The following SRBD1 variants were observed in gnomAD, a reference collection of about 807,000 sequenced individuals.
SRBD1 encodes the protein S1 RNA-binding domain-containing protein 1.
Under a neutral mutation model 115.3 loss-of-function variants are expected in SRBD1, and 88 were observed. The ratio of observed to expected loss-of-function variants is 0.76; its 90% CI spans 0.64 to 0.91. SRBD1 has a LOEUF of 0.91. Ranked by LOEUF, SRBD1 falls within the 40% of genes least tolerant of loss-of-function variation. The probability of loss-of-function intolerance (pLI) is 0.00; values close to 1 mark genes in which losing one functional copy is unlikely to be tolerated. For missense variants in SRBD1, 1,385 were observed against 1,177.4 expected (o/e 1.18, Z -2.58); for synonymous variants, 509 against 407.7 (o/e 1.25, Z -2.99).
chr2:45,479,949 G>C (rs1337050937), intron 15 of SRBD1, among the ~76,000 whole-genome samples: 3 of 152,008 alleles, frequency 2.0e-5, no homozygotes, highest in Admixed American at 2.0e-4. Context: ...GAAAATCCTT[G>C]GGTTCTTAAG....
chr2:45,546,590 G>A (rs1047253701), intron 14 of SRBD1, 142 bp downstream of exon 14: 21 of 850,036 alleles, frequency 2.5e-5, no homozygotes, highest in Non-Finnish European at 3.1e-5. Context: ...ACATTATCCT[G>A]CAAAGTTCTC....
chr2:45,604,594 C>G (rs1336408990), intron 2 of SRBD1, among the ~76,000 whole-genome samples: 1 of 152,132 alleles, frequency 6.6e-6, no homozygotes, highest in African/African-American at 2.4e-5. Flanking sequence ...CTGAACACAC[C>G]AAACTTATTC....
At chr2:45,494,790 G>C (rs1670405808) in intron 14 of SRBD1, among the ~76,000 whole-genome samples, 1 of 152,050 alleles carries the variant, frequency 6.6e-6, no homozygotes, top group South Asian at 2.1e-4. Context: ...GGCAAAATAT[G>C]GTGAGGCAGA....
At chr2:45,517,767 G>A (rs1206931381) in intron 14 of SRBD1, among the ~76,000 whole-genome samples, 1 of 152,194 alleles carries the variant, frequency 6.6e-6, no homozygotes, top group Non-Finnish European at 1.5e-5. Flanking sequence ...GGCCAAGACA[G>A]GGGGATAGTT....
intron 14 of SRBD1, among the ~76,000 whole-genome samples, chr2:45,497,387 C>G (rs979187800): frequency 2.0e-5 from 3 of 152,158 alleles, no homozygotes; most frequent in African/African-American, 7.2e-5. Flanking sequence ...ACAGGGTAGA[C>G]TGAATGTACA....
chr2:45,543,292 A>G (rs1157757275), intron 14 of SRBD1, among the ~76,000 whole-genome samples: 2 of 152,204 alleles, frequency 1.3e-5, no homozygotes, highest in African/African-American at 2.4e-5. Context: ...TGTAAGTATC[A>G]TGATTCGTAA....
intron 16 of SRBD1, among the ~76,000 whole-genome samples, chr2:45,450,467 T>C (rs528749129): frequency 6.6e-6 from 1 of 152,268 alleles, no homozygotes; most frequent in South Asian, 2.1e-4. Flanking sequence ...TTTCCAAAAA[T>C]TTTAGATCTT....
chr2:45,521,429 A>T (rs1311111429), intron 14 of SRBD1, among the ~76,000 whole-genome samples: 2 of 152,144 alleles, frequency 1.3e-5, no homozygotes, highest in East Asian at 3.9e-4. Context: ...TCACTAGGGA[A>T]ATGTAAGTCA....
chr2:45,398,281 T>C (rs1667202038), intron 19 of SRBD1, among the ~76,000 whole-genome samples: 1 of 152,144 alleles, frequency 6.6e-6, no homozygotes, highest in African/African-American at 2.4e-5. Context: ...TTAAAATGCA[T>C]GCAGCTATCT....
At chr2:45,596,662 A>G (rs1214328095) in intron 4 of SRBD1, among the ~76,000 whole-genome samples, 1 of 152,216 alleles carries the variant, frequency 6.6e-6, no homozygotes, top group Non-Finnish European at 1.5e-5. Flanking sequence ...ATGATAATGT[A>G]GTAAACAAAT....
chr2:45,465,000 TACACACACACACACACACACACACACAC>T (rs58288876), intron 16 of SRBD1, among the ~76,000 whole-genome samples: 1 of 120,222 alleles, frequency 8.3e-6, no homozygotes, highest in South Asian at 3.0e-4. Context: ...GTTGAGATTG[TACACACACACACACACACACACACACAC>T]ACACACACAC....
intron 16 of SRBD1, among the ~76,000 whole-genome samples, chr2:45,444,558 C>T (rs896170439): frequency 6.6e-6 from 1 of 152,026 alleles, no homozygotes; most frequent in Non-Finnish European, 1.5e-5. Flanking sequence ...TTGAATGAAT[C>T]CTTTTTGTTC....
chr2:45,565,422 CA>C (rs1672795404), intron 9 of SRBD1, among the ~76,000 whole-genome samples: 2 of 152,180 alleles, frequency 1.3e-5, no homozygotes, highest in Non-Finnish European at 2.9e-5. Flanking sequence ...GAACTCACCA[CA>C]TGCAAAAGAA....
At chr2:45,403,074 G>GT (rs1667334166) in intron 19 of SRBD1, among the ~76,000 whole-genome samples, 1 of 152,182 alleles carries the variant, frequency 6.6e-6, no homozygotes, top group Non-Finnish European at 1.5e-5. Flanking sequence ...ACAGAAAACA[G>GT]TAAGAAATCC....
At chr2:45,560,920 AC>A (rs1173708261) in intron 10 of SRBD1, among the ~76,000 whole-genome samples, 2 of 151,364 alleles carry the variant, frequency 1.3e-5, no homozygotes, top group Admixed American at 1.3e-4. Flanking sequence ...AGCCTGGGCA[AC>A]ATGGCAAGAC....
chr2:45,495,916 C>T (rs1027510647), intron 14 of SRBD1, among the ~76,000 whole-genome samples: 2 of 152,142 alleles, frequency 1.3e-5, no homozygotes, highest in East Asian at 1.9e-4. Context: ...GGTATGTCAA[C>T]CCACCTGCCA....
rs145594682 is a variant in SRBD1, at chr2:45,585,722, C to T, written c.701G>A (p.Arg234His). Residue 234 changes from arginine (R) to histidine (H), a missense_variant, in exon 5 of 21, where the codon CGT becomes CAT. Transcript: ENST00000263736. ...IEPWVCANII[R>H]LFNDDNTIPF... ...AATTGTGTTATCATCATTAAAGAGA[C>T]GAATGATGTTGGCACAAACCCAAGG... 183 of 1,611,468 alleles carry T rather than the reference C, an allele frequency of 1.1e-4. No homozygotes were observed. Among genetic ancestry groups the T allele is most frequent in the Middle Eastern group, 9.9e-4 (6 of 6,054 alleles).
intron 9 of SRBD1, among the ~76,000 whole-genome samples, chr2:45,571,158 G>A (rs1435945902): frequency 2.0e-5 from 3 of 152,128 alleles, no homozygotes; most frequent in African/African-American, 7.2e-5. Context: ...AAAGGCTACG[G>A]CAGAGCTGTT....
At chr2:45,553,563 T>C in intron 11 of SRBD1, 60 bp downstream of exon 11, 1 of 1,062,040 alleles carries the variant, frequency 9.4e-7, no homozygotes, top group Admixed American at 2.7e-5. Context: ...CACACTGTAA[T>C]GGTACTAGTA....
Sources: gnomAD v4.1 joint callset for allele counts (sites outside exome capture counted in the v4.1 genomes callset) on GRCh38, gnomAD v4.1.1 for gene constraint, MANE v1.5 for transcripts, NCBI Gene and HGNC (gene_info 2026-07-23, HGNC 2026-07-21) for gene names.